SLC26A5: variants seen among roughly 807,000 people sequenced by gnomAD.
The protein encoded by SLC26A5 is prestin.
A neutral mutation model predicts 81.0 loss-of-function variants in SLC26A5; 51 were observed. The ratio of observed to expected loss-of-function variants is 0.63; its 90% CI spans 0.50 to 0.80. The LOEUF (loss-of-function observed/expected upper bound fraction) is 0.80, where lower values mean the gene tolerates loss of function less well. Among genes scored for constraint, SLC26A5 ranks in the 30% least tolerant of loss-of-function variants. SLC26A5 has a pLI of 0.00. For synonymous variants in SLC26A5, 325 were observed against 332.8 expected (o/e 0.98, Z 0.25); for missense variants, 771 against 905.8 (o/e 0.85, Z 1.91).
In SLC26A5 at chr7:103,391,625, T is replaced by C. The variant is rs557612359; in HGVS notation, c.1230A>G (p.Thr410=). Residue 410 remains threonine (T), a synonymous_variant, in exon 11 of 20, where the codon ACA becomes ACG. Coordinates refer to ENST00000306312, the MANE Select transcript of SLC26A5 (RefSeq NM_198999.3). ...TAGAGGCCTGTTATGTACATACCTG[T>C]GTCTTCCCACCGGTTCCCTCCTGAA... ...SLVQEGTGGK[T]QLAGCLASLM... 8 of 1,613,624 alleles carry C rather than the reference T, an allele frequency of 5.0e-6. No individual in the cohort carries two copies. In the South Asian group the frequency reaches 5.5e-5, roughly 11 times the overall value.
chr7:103,415,572 C>T (rs949956628), intron 4 of SLC26A5, among the ~76,000 whole-genome samples: 13 of 152,198 alleles, frequency 8.5e-5, no homozygotes, highest in African/African-American at 3.1e-4. Context: ...CAAGACAGGC[C>T]CCCAACAACA....
chr7:103,403,443 T>C (rs1823767114), intron 8 of SLC26A5, among the ~76,000 whole-genome samples: 1 of 152,188 alleles, frequency 6.6e-6, no homozygotes, highest in Non-Finnish European at 1.5e-5. Context: ...TTCTGTGTCA[T>C]TGACCTGTCT....
chr7:103,397,117 AG>A (rs1196525114), intron 9 of SLC26A5, among the ~76,000 whole-genome samples: 1 of 143,762 alleles, frequency 7.0e-6, no homozygotes, highest in Non-Finnish European at 1.5e-5. Context: ...AAAAAAAAAA[AG>A]CCAAGCACAG....
At chr7:103,386,354 T>C (rs1822194104) in intron 14 of SLC26A5, among the ~76,000 whole-genome samples, 1 of 151,818 alleles carries the variant, frequency 6.6e-6, no homozygotes, top group African/African-American at 2.4e-5. Flanking sequence ...GATTGCGAGG[T>C]CAGGAGGTCG....
chr7:103,439,821 C>G (rs1360603886), intron 2 of SLC26A5, among the ~76,000 whole-genome samples: 1 of 152,186 alleles, frequency 6.6e-6, no homozygotes, highest in Non-Finnish European at 1.5e-5. Flanking sequence ...AGACGTGAGC[C>G]ACCGCAGTTG....
intron 9 of SLC26A5, among the ~76,000 whole-genome samples, chr7:103,395,595 C>T (rs1823047448): frequency 6.8e-6 from 1 of 147,874 alleles, no homozygotes; most frequent in Non-Finnish European, 1.5e-5. Context: ...GTGATCTTGA[C>T]TCACTGCAAC....
At chr7:103,373,955 T>C (rs1216274471), downstream of SLC26A5, among the ~76,000 whole-genome samples, 1 of 152,220 alleles carries the variant, frequency 6.6e-6, no homozygotes, top group Non-Finnish European at 1.5e-5. Context: ...AAACAAGAAC[T>C]TCTAGAAAAT....
intron 19 of SLC26A5, among the ~76,000 whole-genome samples, chr7:103,353,574 T>G (rs1011809746): frequency 5.9e-5 from 9 of 152,252 alleles, no homozygotes; most frequent in Non-Finnish European, 7.3e-5. Flanking sequence ...CCCAAAGTAC[T>G]GGGATTATAG....
At chr7:103,362,139 T>C (rs752516157) in intron 19 of SLC26A5, 23 of 1,605,148 alleles carry the variant, frequency 1.4e-5, no homozygotes, top group Non-Finnish European at 2.0e-5. Context: ...GGATACTGTC[T>C]CACATTCATA....
chr7:103,422,106 C>A (rs1825397397), intron 2 of SLC26A5, among the ~76,000 whole-genome samples: 1 of 152,164 alleles, frequency 6.6e-6, no homozygotes, highest in Non-Finnish European at 1.5e-5. Context: ...CATCAGCACA[C>A]TATTCTAATA....
intron 9 of SLC26A5, among the ~76,000 whole-genome samples, chr7:103,394,763 A>C (rs1156650336): frequency 6.6e-6 from 1 of 152,126 alleles, no homozygotes; most frequent in Non-Finnish European, 1.5e-5. Context: ...TCACTCCCCA[A>C]ATCTAGATGG....
chr7:103,395,520 TA>T (rs1158795976), intron 9 of SLC26A5, among the ~76,000 whole-genome samples: 1 of 6,656 alleles, frequency 1.5e-4, no homozygotes, highest in Non-Finnish European at 5.6e-4. Flanking sequence ...TATATATATA[TA>T]AATTTTTTTT....
chr7:103,405,299 T>C (rs887975707), intron 8 of SLC26A5, among the ~76,000 whole-genome samples: 1 of 152,152 alleles, frequency 6.6e-6, no homozygotes, highest in Non-Finnish European at 1.5e-5. Flanking sequence ...TTTGCATTGG[T>C]TTTTCCTCAT....
At chr7:103,414,589 T>C (rs140551350) in intron 4 of SLC26A5, among the ~76,000 whole-genome samples, 1 of 152,210 alleles carries the variant, frequency 6.6e-6, no homozygotes, top group Non-Finnish European at 1.5e-5. Context: ...TGTCTTTTCA[T>C]GGCTTGATAG....
intron 2 of SLC26A5, among the ~76,000 whole-genome samples, chr7:103,426,515 C>A (rs547258354): frequency 1.5e-4 from 23 of 152,120 alleles, no homozygotes; most frequent in Non-Finnish European, 2.8e-4. Context: ...CTAAATCTGG[C>A]AACCTTAACT....
At chr7:103,403,868 C>T (rs1823809750) in intron 8 of SLC26A5, among the ~76,000 whole-genome samples, 1 of 152,072 alleles carries the variant, frequency 6.6e-6, no homozygotes, top group Admixed American at 6.6e-5. Flanking sequence ...GCATTTAGCC[C>T]TCTTACATTT....
intron 2 of SLC26A5, among the ~76,000 whole-genome samples, chr7:103,423,199 G>A (rs1425757800): frequency 6.6e-6 from 1 of 152,018 alleles, no homozygotes; most frequent in Non-Finnish European, 1.5e-5. Context: ...TTGAACCCGG[G>A]AGGCAGAGGT....
intron 15 of SLC26A5, 110 bp downstream of exon 15, chr7:103,380,370 G>T: frequency 2.4e-6 from 2 of 831,136 alleles, no homozygotes; most frequent in South Asian, 2.9e-5. Flanking sequence ...TTTTCACTTT[G>T]ACCACTATAC....
intron 2 of SLC26A5, among the ~76,000 whole-genome samples, chr7:103,441,577 C>T (rs564412424): frequency 2.0e-5 from 3 of 152,304 alleles, no homozygotes; most frequent in Admixed American, 6.5e-5. Flanking sequence ...ATTTCAGCTA[C>T]GATCAAGTTG....
Sources: gnomAD v4.1 joint callset for allele counts (sites outside exome capture counted in the v4.1 genomes callset) on GRCh38, gnomAD v4.1.1 for gene constraint, MANE v1.5 for transcripts, NCBI Gene and HGNC (gene_info 2026-07-23, HGNC 2026-07-21) for gene names.